The following MAP4K4 variants were observed in gnomAD, a reference collection of about 807,000 sequenced individuals.
The protein encoded by MAP4K4 is mitogen-activated protein kinase kinase kinase kinase 4, also known as HPK/GCK-like kinase HGK.
In MAP4K4, 38 loss-of-function variants were observed where a neutral mutation model predicts 189.6. The observed-to-expected ratio is 0.20, with a 90% CI of 0.15 to 0.26. The LOEUF (loss-of-function observed/expected upper bound fraction) is 0.26, where lower values mean the gene tolerates loss of function less well. Among genes scored for constraint, MAP4K4 ranks in the 10% least tolerant of loss-of-function variants. The pLI is 1.00. For missense variants in MAP4K4, 1,054 were observed against 1,726.9 expected (o/e 0.61, Z 6.91); for synonymous variants, 610 against 624.3 (o/e 0.98, Z 0.34).
At chr2:101,718,235 A>G (rs1206386618) in intron 2 of MAP4K4, among the ~76,000 whole-genome samples, 4 of 151,518 alleles carry the variant, frequency 2.6e-5, no homozygotes, top group Admixed American at 2.0e-4. Context: ...CAGCCTGGGC[A>G]ACATGAGCTA....
At chr2:101,837,204 A>T (rs78955230) in intron 9 of MAP4K4, among the ~76,000 whole-genome samples, 1,972 of 150,056 alleles carry the variant, frequency 0.013, 43 homozygotes, top group Non-Finnish European at 0.016. Flanking sequence ...TCTCAGAGTT[A>T]AGCTTCCATT....
intron 2 of MAP4K4, among the ~76,000 whole-genome samples, chr2:101,784,978 G>T (rs972649389): frequency 6.6e-6 from 1 of 152,106 alleles, no homozygotes; most frequent in East Asian, 1.9e-4. Context: ...TAAAATGCTT[G>T]TTCACTAACT....
At chr2:101,828,834 G>A (rs942767512) in intron 5 of MAP4K4, among the ~76,000 whole-genome samples, 1 of 152,210 alleles carries the variant, frequency 6.6e-6, no homozygotes, top group Non-Finnish European at 1.5e-5. Context: ...GAGGCAACAT[G>A]TGTTTTTGTT....
intron 2 of MAP4K4, among the ~76,000 whole-genome samples, chr2:101,706,462 CT>C: frequency 6.6e-6 from 1 of 152,298 alleles, no homozygotes; most frequent in Middle Eastern, 3.4e-3. Flanking sequence ...AACAACACCC[CT>C]GCCCCCACAT....
At chr2:101,831,577 C>G (rs2096596156) in intron 6 of MAP4K4, 144 bp from the exon 7 acceptor site, 1 of 866,434 alleles carries the variant, frequency 1.2e-6, no homozygotes, top group Admixed American at 2.1e-5. Context: ...CCAGTGGTGC[C>G]TGCCTTGAGC....
chr2:101,705,898 G>A (rs2149232804), intron 2 of MAP4K4, among the ~76,000 whole-genome samples: 1 of 152,254 alleles, frequency 6.6e-6, no homozygotes, highest in South Asian at 2.1e-4. Context: ...GCTGCTTACA[G>A]CTTTATGCTT....
intron 2 of MAP4K4, among the ~76,000 whole-genome samples, chr2:101,714,214 AT>A (rs2047214240): frequency 6.6e-6 from 1 of 152,242 alleles, no homozygotes; most frequent in Non-Finnish European, 1.5e-5. Flanking sequence ...TTTTCATGTA[AT>A]TTTTTTCAAC....
intron 2 of MAP4K4, among the ~76,000 whole-genome samples, chr2:101,720,219 G>T (rs1311823614): frequency 2.0e-5 from 3 of 148,426 alleles, no homozygotes; most frequent in African/African-American, 5.0e-5. Context: ...TGTCGCCCAG[G>T]CTAGAGTGCA....
intron 2 of MAP4K4, among the ~76,000 whole-genome samples, chr2:101,776,587 C>CA (rs1208423161): frequency 2.9e-4 from 32 of 111,080 alleles, no homozygotes; most frequent in East Asian, 2.6e-3. Flanking sequence ...CCCACCCCCC[C>CA]AAAAAAAAAC....
Position 101,760,530 on chromosome 2 carries a change from A to G in MAP4K4, c.124-30190A>G, listed in dbSNP as rs28414160. Among the ~76,000 whole-genome samples the G allele has an allele frequency of 6.2e-3, 854 of 138,690 alleles. 10 individuals carry two copies. The highest frequency in any genetic ancestry group is 0.022 in the African/African-American group (787 of 36,334). The allele number at this position is 138,690 out of a possible 152,430, so 91.0% of individuals were successfully genotyped here. On this transcript the variant is annotated intron_variant, in intron 2 of 32. Transcript: ENST00000324219. ...TATATATATATATATATATGTATAT[A>G]TGTGTGTGTGTGTGTGTGTGTGTGT...
intron 2 of MAP4K4, among the ~76,000 whole-genome samples, chr2:101,771,609 C>T (rs903438177): frequency 2.6e-5 from 4 of 152,148 alleles, no homozygotes; most frequent in African/African-American, 9.7e-5. Flanking sequence ...CCCTCAACTT[C>T]CCTAGTTGAA....
exon 15 of MAP4K4, chr2:101,859,677 A>T (rs1363096219): frequency 7.4e-6 from 12 of 1,611,658 alleles, no homozygotes; most frequent in Non-Finnish European, 1.0e-5. Context: ...GAGCACCGGC[A>T]GGCAGAGAGG....
At chr2:101,835,635 A>G (rs1359582420) in intron 8 of MAP4K4, among the ~76,000 whole-genome samples, 1 of 152,218 alleles carries the variant, frequency 6.6e-6, no homozygotes, top group Non-Finnish European at 1.5e-5. Context: ...GTTAGTTCCT[A>G]TAAGACTTAG....
chr2:101,819,954 A>G (rs901011494), intron 3 of MAP4K4, among the ~76,000 whole-genome samples: 2 of 152,188 alleles, frequency 1.3e-5, no homozygotes, highest in Admixed American at 1.3e-4. Flanking sequence ...AACAGTATTT[A>G]CCAATGTGCC....
chr2:101,815,529 CT>C (rs1177433705), intron 3 of MAP4K4, among the ~76,000 whole-genome samples: 7 of 152,102 alleles, frequency 4.6e-5, no homozygotes, highest in African/African-American at 1.4e-4. Context: ...CTTTCCCCCC[CT>C]CTCTCATATG....
At position 101,877,105 on chromosome 2, in the gene MAP4K4, TG is replaced by T; in HGVS notation, c.3346del (p.Asp1116ThrfsTer6). ...ATCAACCGAAGACGATTTCAACAAATGGACGTACTTGAGGGCTTGAATGTCT... is the reference window on the plus strand; with the variant it reads ...ATCAACCGAAGACGATTTCAACAAATGACGTACTTGAGGGCTTGAATGTCT... On this transcript the variant is annotated frameshift_variant, in exon 27 of 33. Coordinates refer to ENST00000324219, the Ensembl canonical transcript of MAP4K4. LOFTEE classifies it high-confidence loss of function. The T allele has an allele frequency of 6.2e-7, 1 of 1,613,972 alleles. No individual in the cohort carries two copies. The highest frequency in any genetic ancestry group is 1.1e-5 in the South Asian group (1 of 91,072).
intron 2 of MAP4K4, among the ~76,000 whole-genome samples, chr2:101,770,466 G>A (rs867392389): frequency 9.2e-5 from 14 of 151,874 alleles, no homozygotes; most frequent in African/African-American, 2.9e-4. Context: ...TAGTAGAGAC[G>A]GCATTTTGCC....
chr2:101,856,145 T>A lies in MAP4K4; in HGVS notation c.1395+7T>A. ...GAGAGTTGAAAGAGAACAGGTTAGT[T>A]CACAGATAACATAGCAGGCATACAC... is the stretch of plus-strand genomic sequence containing the variant. On this transcript the variant is annotated splice_region_variant and intron_variant, in intron 13 of 32. Coordinates refer to ENST00000324219, the Ensembl canonical transcript of MAP4K4. 1 of 1,548,248 alleles carries A rather than the reference T, an allele frequency of 6.5e-7. No homozygotes were observed. The highest frequency in any genetic ancestry group is 8.7e-7 in the Non-Finnish European group (1 of 1,146,146).
At chr2:101,870,249 G>A in intron 22 of MAP4K4, 46 bp from the exon 23 acceptor site, 1 of 1,597,988 alleles carries the variant, frequency 6.3e-7, no homozygotes, top group African/African-American at 1.3e-5. Context: ...GGATCTCCTT[G>A]ACTCCAGAGA....
Sources: gnomAD v4.1 joint callset for allele counts (sites outside exome capture counted in the v4.1 genomes callset) on GRCh38, gnomAD v4.1.1 for gene constraint, MANE v1.5 for transcripts, NCBI Gene and HGNC (gene_info 2026-07-23, HGNC 2026-07-21) for gene names.